RBFOX1: variants seen among roughly 807,000 people sequenced by gnomAD.
The protein encoded by RBFOX1 is RNA binding protein fox-1 homolog 1.
Under a neutral mutation model 57.7 loss-of-function variants are expected in RBFOX1, and 8 were observed. That is an observed-to-expected ratio of 0.14 (90% confidence interval 0.08 to 0.25). The LOEUF is 0.25. Ranked by LOEUF, RBFOX1 falls within the 10% of genes least tolerant of loss-of-function variation. The probability of loss-of-function intolerance (pLI) is 1.00; values close to 1 mark genes in which losing one functional copy is unlikely to be tolerated. For synonymous variants in RBFOX1, 326 were observed against 222.4 expected (o/e 1.47, Z -4.15); for missense variants, 611 against 548.5 (o/e 1.11, Z -1.14).
At chr16:6,801,710 T>C (rs555603841) in intron 3 of RBFOX1, among the ~76,000 whole-genome samples, 93 of 152,126 alleles carry the variant, frequency 6.1e-4, no homozygotes, top group African/African-American at 2.2e-3. Context: ...GAGGTGCAGA[T>C]GAACTGGGGA....
intron 4 of RBFOX1, among the ~76,000 whole-genome samples, chr16:7,100,922 G>C (rs944696193): frequency 2.0e-5 from 3 of 152,142 alleles, no homozygotes; most frequent in African/African-American, 7.2e-5. Context: ...GCAAGTACAA[G>C]GGATTTTTTT....
intron 3 of RBFOX1, among the ~76,000 whole-genome samples, chr16:5,717,389 G>A (rs560803652): frequency 5.9e-5 from 9 of 152,100 alleles, no homozygotes; most frequent in African/African-American, 2.2e-4. Flanking sequence ...GGCGGTACAG[G>A]TGGTTTTTGG....
intron 4 of RBFOX1, among the ~76,000 whole-genome samples, chr16:7,260,686 G>A (rs2094884059): frequency 1.3e-5 from 2 of 151,438 alleles, no homozygotes; most frequent in African/African-American, 4.8e-5. Flanking sequence ...TTTCTCTAAT[G>A]TTCTAATGAG....
intron 3 of RBFOX1, among the ~76,000 whole-genome samples, chr16:6,756,943 C>G (rs570815279): frequency 3.3e-5 from 5 of 152,106 alleles, no homozygotes; most frequent in East Asian, 1.9e-4. Context: ...CCATTGCACT[C>G]CAGCCTGGGC....
At chr16:5,907,539 T>C (rs2152199441) in intron 4 of RBFOX1, among the ~76,000 whole-genome samples, 1 of 152,294 alleles carries the variant, frequency 6.6e-6, no homozygotes, top group East Asian at 1.9e-4. Flanking sequence ...GCTTATGCTG[T>C]GTGATTTTAC....
At chr16:7,365,182 T>G (rs1035441466) in intron 4 of RBFOX1, among the ~76,000 whole-genome samples, 6 of 152,180 alleles carry the variant, frequency 3.9e-5, no homozygotes, top group African/African-American at 1.4e-4. Context: ...ACTTTTTCTT[T>G]CCTCTTTTTA....
chr16:5,822,210 A>G (rs762088308), intron 3 of RBFOX1, among the ~76,000 whole-genome samples: 2 of 152,196 alleles, frequency 1.3e-5, no homozygotes, highest in Non-Finnish European at 2.9e-5. Context: ...TTATGTTGTC[A>G]CTGATATGTG....
chr16:6,040,027 G>A (rs1356246822), intron 1 of RBFOX1, among the ~76,000 whole-genome samples: 1 of 152,204 alleles, frequency 6.6e-6, no homozygotes, highest in Non-Finnish European at 1.5e-5. Flanking sequence ...GAGAGAGAGA[G>A]AGTCCATGAC....
intron 3 of RBFOX1, among the ~76,000 whole-genome samples, chr16:5,673,978 A>G (rs560906490): frequency 2.0e-5 from 3 of 152,358 alleles, no homozygotes; most frequent in African/African-American, 7.2e-5. Flanking sequence ...AGGGGAGAGG[A>G]AAGATAACAA....
intron 3 of RBFOX1, among the ~76,000 whole-genome samples, chr16:6,824,983 G>GTTTTTTTT (rs151177772): frequency 0.022 from 819 of 36,904 alleles, 181 homozygotes; most frequent in Non-Finnish European, 0.039. Context: ...TTCTTTCTTG[G>GTTTTTTTT]TTTTTTTTTT....
intron 2 of RBFOX1, among the ~76,000 whole-genome samples, chr16:6,620,193 C>T (rs2098207764): frequency 1.3e-5 from 2 of 152,174 alleles, no homozygotes; most frequent in Admixed American, 1.3e-4. Flanking sequence ...AGTCAGAATT[C>T]ACTCAAAACC....
chr16:6,937,839 G>T (rs2077637729), intron 3 of RBFOX1, among the ~76,000 whole-genome samples: 1 of 152,010 alleles, frequency 6.6e-6, no homozygotes, highest in South Asian at 2.1e-4. Flanking sequence ...CTTAAGGTCT[G>T]TGTTGATGAA....
chr16:6,869,991 A>T (rs1183726534), intron 3 of RBFOX1, among the ~76,000 whole-genome samples: 1 of 152,082 alleles, frequency 6.6e-6, no homozygotes, highest in Admixed American at 6.6e-5. Flanking sequence ...CAAAGGTAAC[A>T]TTTTCTACGT....
intron 4 of RBFOX1, among the ~76,000 whole-genome samples, chr16:7,197,258 C>A (rs564935740): frequency 6.6e-6 from 1 of 152,062 alleles, no homozygotes; most frequent in East Asian, 1.9e-4. Context: ...ATAAGGAAAA[C>A]TGTGGCTCTG....
At chr16:5,781,779 GA>G in intron 3 of RBFOX1, among the ~76,000 whole-genome samples, 1 of 152,310 alleles carries the variant, frequency 6.6e-6, no homozygotes, top group African/African-American at 2.4e-5. Flanking sequence ...TCTAGAGGGA[GA>G]AAACTGGCCA....
chr16:7,695,554 G>A (rs949256027), intron 14 of RBFOX1, among the ~76,000 whole-genome samples: 5 of 151,284 alleles, frequency 3.3e-5, no homozygotes, highest in Admixed American at 1.3e-4. Context: ...TCAGGAGACT[G>A]AGGCAGAGAA....
At chr16:5,633,797 C>A (rs2048596916) in intron 3 of RBFOX1, among the ~76,000 whole-genome samples, 1 of 151,544 alleles carries the variant, frequency 6.6e-6, no homozygotes, top group African/African-American at 2.4e-5. Context: ...TGGCTAGAAC[C>A]CAGGAGGCGG....
At chr16:7,566,335 C>G (rs529461716) in intron 5 of RBFOX1, among the ~76,000 whole-genome samples, 1 of 152,206 alleles carries the variant, frequency 6.6e-6, no homozygotes, top group East Asian at 1.9e-4. Context: ...CAGCCCAGAC[C>G]TAGAACATAG....
intron 4 of RBFOX1, among the ~76,000 whole-genome samples, chr16:7,154,250 A>C (rs147097361): frequency 6.6e-6 from 1 of 152,160 alleles, no homozygotes; most frequent in Non-Finnish European, 1.5e-5. Flanking sequence ...CAGTCGGAGG[A>C]AGACATGGCA....
Sources: allele counts gnomAD v4.1 joint callset (sites outside exome capture counted in the v4.1 genomes callset), GRCh38; gene constraint gnomAD v4.1.1; transcripts MANE v1.5; gene names NCBI Gene and HGNC (gene_info 2026-07-23, HGNC 2026-07-21).